Variants in BICRAL observed in about 807,000 individuals in gnomAD.
The protein encoded by BICRAL is BRD4-interacting chromatin-remodeling complex-associated protein-like.
BICRAL carries 8 observed loss-of-function variants against 91.8 expected under a neutral mutation model. The observed-to-expected ratio is 0.09, with a 90% confidence interval of 0.05 to 0.16. The LOEUF is 0.16. Among genes scored for constraint, BICRAL ranks in the 10% least tolerant of loss-of-function variants. The probability of loss-of-function intolerance (pLI) is 1.00; values close to 1 mark genes in which losing one functional copy is unlikely to be tolerated. For synonymous variants in BICRAL, 445 were observed against 491.1 expected (o/e 0.91, Z 1.24); for missense variants, 1,038 against 1,310.9 (o/e 0.79, Z 3.21).
chr6:42,791,544 A>C (rs1295933582), intron 1 of BICRAL, among the ~76,000 whole-genome samples: 1 of 152,212 alleles, frequency 6.6e-6, no homozygotes, highest in South Asian at 2.1e-4. Flanking sequence ...AAACATTTTC[A>C]CAGGGAAGAA....
chr6:42,859,892 A>G (rs1765499676), intron 10 of BICRAL, among the ~76,000 whole-genome samples: 2 of 151,820 alleles, frequency 1.3e-5, no homozygotes, highest in South Asian at 4.2e-4. Flanking sequence ...TGATCCGCCC[A>G]CCTCGGCCTC....
intron 6 of BICRAL, among the ~76,000 whole-genome samples, chr6:42,841,937 G>A (rs1196178588): frequency 1.3e-5 from 2 of 152,122 alleles, no homozygotes; most frequent in African/African-American, 2.4e-5. Context: ...CATACCCCAA[G>A]GTAGGCTTTA....
rs1043831300 is a variant in BICRAL, at chr6:42,865,048, G to T, written c.2842G>T (p.Asp948Tyr). Reference protein sequence around the residue: ...EGHRKTSSRSDHGTESKLSSI... With the variant: ...EGHRKTSSRSYHGTESKLSSI... ...GCACCGGAAAACCTCATCCAGATCG[G>T]ATCATGGTACTGAGAGCAAACTGTC... Residue 948 changes from aspartate (D) to tyrosine (Y), a missense_variant, in exon 13 of 13, where the codon GAT (aspartate) becomes TAT (tyrosine). This residue lies in a region of BICRAL where 294 missense variants were observed against 292.6 expected (regional missense o/e 1.00). Transcript: ENST00000314073. 2.5e-6 allele frequency: 4 copies of T among 1,614,080 alleles called. No individual in the cohort carries two copies. The highest frequency in any genetic ancestry group is 3.4e-6 in the Non-Finnish European group (4 of 1,180,034).
intron 1 of BICRAL, among the ~76,000 whole-genome samples, chr6:42,799,634 A>C (rs1015281885): frequency 6.6e-6 from 1 of 152,132 alleles, no homozygotes; most frequent in Non-Finnish European, 1.5e-5. Context: ...ATCTTCTCCA[A>C]CTGAAACTAT....
intron 6 of BICRAL, among the ~76,000 whole-genome samples, chr6:42,838,406 G>A (rs915027181): frequency 6.6e-6 from 1 of 152,118 alleles, no homozygotes; most frequent in East Asian, 1.9e-4. Context: ...ACACATGTTG[G>A]TTTGTCCCAT....
chr6:42,759,382 G>GACAAAATACTGTTT (rs1405349122), intron 1 of BICRAL, among the ~76,000 whole-genome samples: 1 of 152,174 alleles, frequency 6.6e-6, no homozygotes, highest in Non-Finnish European at 1.5e-5. Flanking sequence ...GTGTGAAGTG[G>GACAAAATACTGTTT]ATTTACATGG....
chr6:42,832,469 C>T (rs1423658988), intron 6 of BICRAL, among the ~76,000 whole-genome samples: 1 of 146,574 alleles, frequency 6.8e-6, no homozygotes, highest in African/African-American at 2.5e-5. Context: ...ATTTTTTAAA[C>T]CATATACCTT....
intron 11 of BICRAL, among the ~76,000 whole-genome samples, chr6:42,860,735 G>A (rs941376614): frequency 6.6e-6 from 1 of 152,212 alleles, no homozygotes; most frequent in Admixed American, 6.5e-5. Context: ...TGTGGGAGAA[G>A]GACTGGAGGC....
chr6:42,828,019 T>A (rs559938297), intron 5 of BICRAL, among the ~76,000 whole-genome samples: 1 of 152,218 alleles, frequency 6.6e-6, no homozygotes, highest in Admixed American at 6.5e-5. Flanking sequence ...CATATACTTA[T>A]AATGTCAAGC....
At chr6:42,840,872 A>ATGGTG (rs1393096456) in intron 6 of BICRAL, among the ~76,000 whole-genome samples, 1 of 151,460 alleles carries the variant, frequency 6.6e-6, no homozygotes, top group East Asian at 2.0e-4. Flanking sequence ...TCAGGAGTTC[A>ATGGTG]AGACTAGCGT....
At chr6:42,775,199 T>C (rs2113849570) in intron 1 of BICRAL, among the ~76,000 whole-genome samples, 1 of 152,364 alleles carries the variant, frequency 6.6e-6, no homozygotes, top group Non-Finnish European at 1.5e-5. Context: ...CTTCCCAAAG[T>C]GCTGGGATCA....
intron 10 of BICRAL, among the ~76,000 whole-genome samples, chr6:42,857,637 T>TATATATATATATATATATATTTA: frequency 1.1e-5 from 1 of 94,212 alleles, no homozygotes; most frequent in African/African-American, 6.8e-5. Flanking sequence ...ATATATATAT[T>TATATATATATATATATATATTTA]TTTTAGGAGG....
chr6:42,853,804 T>C lies in BICRAL; in HGVS notation c.2046+66T>C, dbSNP rs1415930705. 2.3e-5 allele frequency: 28 copies of C among 1,196,386 alleles called. No homozygotes were observed. The East Asian group carries it at 6.1e-4, about 26-fold the overall frequency. The allele number at this position is 1,196,386 out of a possible 1,614,324, so 74.1% of individuals were successfully genotyped here. A position where few individuals can be genotyped will look rare whatever the true frequency, so the allele number is the denominator to read the frequency against. The stretch of plus-strand genomic sequence containing the variant: ...TAATTGAATGAAAATGTAGTCGTGC[T>C]ATCTTTGTGGTTGCTGGCTAGCTTT... On this transcript the variant is annotated intron_variant, in intron 8 of 12. Transcript: ENST00000314073.
chr6:42,784,928 T>C, intron 1 of BICRAL, among the ~76,000 whole-genome samples: 1 of 152,204 alleles, frequency 6.6e-6, no homozygotes. Context: ...CTCCAGGTGA[T>C]TCCAGTGACA....
chr6:42,756,923 C>G, intron 1 of BICRAL, among the ~76,000 whole-genome samples: 1 of 94,750 alleles, frequency 1.1e-5, no homozygotes, highest in African/African-American at 4.0e-5. Flanking sequence ...TCCCTCTCCC[C>G]CCCCCCCACC....
At chr6:42,821,573 A>G (rs1470151141) in intron 2 of BICRAL, among the ~76,000 whole-genome samples, 1 of 150,142 alleles carries the variant, frequency 6.7e-6, no homozygotes, top group Non-Finnish European at 1.5e-5. Context: ...AGAATATGGC[A>G]AAAAATGTAG....
chr6:42,843,792 A>C (rs1283105925), intron 6 of BICRAL, among the ~76,000 whole-genome samples: 3 of 133,536 alleles, frequency 2.2e-5, no homozygotes, highest in East Asian at 4.6e-4. Context: ...TCAGCATATA[A>C]ATTTCTTCTT....
upstream of BICRAL, among the ~76,000 whole-genome samples, chr6:42,780,389 C>A (rs1033411620): frequency 2.6e-5 from 4 of 152,008 alleles, no homozygotes; most frequent in Non-Finnish European, 5.9e-5. Flanking sequence ...TAATTTTAAT[C>A]TAGAGAGAGT....
At chr6:42,758,787 ATTCT>A (rs1356949226) in intron 1 of BICRAL, among the ~76,000 whole-genome samples, 2 of 151,834 alleles carry the variant, frequency 1.3e-5, no homozygotes, top group East Asian at 3.9e-4. Flanking sequence ...TCACATATTC[ATTCT>A]TTCTTTCTGC....
Sources: allele counts gnomAD v4.1 joint callset (sites outside exome capture counted in the v4.1 genomes callset), GRCh38; gene constraint gnomAD v4.1.1; regional missense constraint gnomAD v4.1.1; transcripts MANE v1.5; gene names NCBI Gene and HGNC (gene_info 2026-07-23, HGNC 2026-07-21).